The following HYDIN variants were observed in gnomAD, a reference collection of about 807,000 sequenced individuals.
HYDIN encodes the protein axonemal central pair apparatus protein HYDIN.
HYDIN carries 132 observed loss-of-function variants against 403.9 expected under a neutral mutation model. The ratio of observed to expected loss-of-function variants is 0.33; its 90% CI spans 0.28 to 0.38. The LOEUF is 0.38. Ranked by LOEUF, HYDIN falls within the 10% of genes least tolerant of loss-of-function variation. HYDIN has a pLI of 1.00. For synonymous variants in HYDIN, 1,202 were observed against 1,891.7 expected (o/e 0.64, Z 9.46); for missense variants, 2,827 against 5,009.5 (o/e 0.56, Z 13.15).
At chr16:70,938,506 C>T (rs2077566848) in intron 44 of HYDIN, 108 bp downstream of exon 44, 1 of 713,632 alleles carries the variant, frequency 1.4e-6, no homozygotes, top group East Asian at 2.6e-5. Flanking sequence ...TTCTGCAGCT[C>T]CTGCTGCCTG....
chr16:71,204,154 TGA>T (rs1317571459), intron 1 of HYDIN: 1 of 168,898 alleles, frequency 5.9e-6, no homozygotes, highest in Non-Finnish European at 1.3e-5. Flanking sequence ...GCTAACAATG[TGA>T]GTTATTTTTG....
Position 71,031,674 on chromosome 16 carries a change from C to T in HYDIN, c.2768+5G>A, listed in dbSNP as rs528385947. 1 of 1,597,388 alleles carries T rather than the reference C, an allele frequency of 6.3e-7. No individual in the cohort carries two copies. Among genetic ancestry groups the T allele is most frequent in the East Asian group, 2.2e-5 (1 of 44,796 alleles). ...TATAAAAACTGGTCCATGAGATTTC[C>T]TTACCTAAAATGTGCCCCCAAATTG... On this transcript the variant is annotated splice_donor_5th_base_variant and intron_variant, in intron 19 of 85. Coordinates refer to ENST00000393567, the MANE Select transcript of HYDIN (RefSeq NM_001270974.2).
chr16:71,050,758 C>T (rs1425414994), intron 18 of HYDIN, among the ~76,000 whole-genome samples: 1 of 151,854 alleles, frequency 6.6e-6, no homozygotes, highest in Non-Finnish European at 1.5e-5. Flanking sequence ...TTTACCAATA[C>T]ATTTGCAAAC....
At chr16:70,906,428 AT>A (rs2076539169) in intron 50 of HYDIN, among the ~76,000 whole-genome samples, 1 of 151,642 alleles carries the variant, frequency 6.6e-6, no homozygotes, top group South Asian at 2.1e-4. Flanking sequence ...ACCTTCTGCA[AT>A]GCCATCTCGC....
chr16:71,186,196 G>C (rs930031787), intron 2 of HYDIN, among the ~76,000 whole-genome samples: 12 of 151,900 alleles, frequency 7.9e-5, no homozygotes, highest in African/African-American at 2.9e-4. Flanking sequence ...TACTATCCCT[G>C]GCACTATACA....
chr16:71,154,363 T>C, intron 6 of HYDIN, among the ~76,000 whole-genome samples: 2 of 137,278 alleles, frequency 1.5e-5, no homozygotes, highest in East Asian at 2.1e-4. Context: ...AATCCCATCA[T>C]GGAGAATGCA....
chr16:71,058,516 T>C (rs1269570096), intron 18 of HYDIN, among the ~76,000 whole-genome samples: 42 of 126,658 alleles, frequency 3.3e-4, no homozygotes, highest in Non-Finnish European at 5.3e-4. Context: ...GTGGGTGCAG[T>C]GCACCAGCAT....
At chr16:70,835,980 T>C (rs1597081732) in intron 77 of HYDIN, 146 bp from the exon 78 acceptor site, 1 of 698,372 alleles carries the variant, frequency 1.4e-6, no homozygotes, top group East Asian at 2.7e-5. Flanking sequence ...GCCTACTCAA[T>C]AAGCATTTAA....
intron 18 of HYDIN, among the ~76,000 whole-genome samples, chr16:71,054,506 T>C (rs1175742655): frequency 2.0e-5 from 3 of 152,100 alleles, no homozygotes; most frequent in African/African-American, 7.2e-5. Flanking sequence ...ATACAGTCAA[T>C]TCCCCAAGGA....
At chr16:70,985,519 C>G (rs1052180444) in intron 27 of HYDIN, among the ~76,000 whole-genome samples, 197 bp from the exon 28 acceptor site, 2 of 152,104 alleles carry the variant, frequency 1.3e-5, no homozygotes, top group African/African-American at 4.8e-5. Context: ...TTCTAAGAAC[C>G]GATTCAGTTT....
intron 10 of HYDIN, among the ~76,000 whole-genome samples, chr16:71,105,374 G>A (rs1172210560): frequency 6.6e-6 from 1 of 150,522 alleles, no homozygotes; most frequent in African/African-American, 2.4e-5. Flanking sequence ...CAACATTGGA[G>A]AGATGCTGAG....
chr16:70,866,459 A>G (rs571550388), intron 66 of HYDIN, 130 bp from the exon 67 acceptor site: 1 of 736,106 alleles, frequency 1.4e-6, no homozygotes, highest in East Asian at 2.7e-5. Flanking sequence ...GTGACAATAA[A>G]GTCCTGGTGG....
intron 1 of HYDIN, among the ~76,000 whole-genome samples, chr16:71,216,527 G>A (rs376885660): frequency 2.0e-5 from 3 of 152,196 alleles, no homozygotes; most frequent in East Asian, 1.9e-4. Flanking sequence ...CTATGATGGA[G>A]AAGGATTCCA....
chr16:70,835,582 G>A (rs971530870), intron 78 of HYDIN, 94 bp downstream of exon 78: 47 of 628,716 alleles, frequency 7.5e-5, no homozygotes, highest in Non-Finnish European at 1.3e-4. Flanking sequence ...CATTACAGAT[G>A]CACAAGAAAT....
chr16:71,176,684 C>G (rs1027267623), intron 4 of HYDIN, among the ~76,000 whole-genome samples: 8 of 152,206 alleles, frequency 5.3e-5, no homozygotes, highest in Admixed American at 1.3e-4. Flanking sequence ...AGTCTCAGAG[C>G]AGCTCCCAAC....
intron 12 of HYDIN, among the ~76,000 whole-genome samples, chr16:71,085,493 T>C (rs1408386014): frequency 6.6e-6 from 1 of 150,836 alleles, no homozygotes; most frequent in Non-Finnish European, 1.5e-5. Flanking sequence ...TGGTTTATAG[T>C]GTTCAACTCT....
At chr16:71,223,925 C>T (rs187483267) in intron 1 of HYDIN, among the ~76,000 whole-genome samples, 84 of 152,234 alleles carry the variant, frequency 5.5e-4, no homozygotes, top group Admixed American at 1.1e-3. Context: ...CCATTTCATC[C>T]AGCAATCCCA....
At chr16:70,900,202 G>A (rs1446056868) in intron 53 of HYDIN, among the ~76,000 whole-genome samples, 3 of 152,250 alleles carry the variant, frequency 2.0e-5, no homozygotes, top group East Asian at 1.9e-4. Context: ...AAGATACATC[G>A]GGAGGCACCA....
chr16:70,882,945 C>T lies in HYDIN; in HGVS notation c.9980-50G>A, dbSNP rs372771180. ...AGATGCTGCCTGATTGCTGGATTCC[C>T]ACTCTGTGATTCCTAATTTGGAACT... On this transcript the variant is annotated intron_variant, in intron 59 of 85. Coordinates refer to ENST00000393567, the MANE Select transcript of HYDIN (RefSeq NM_001270974.2). The T allele has an allele frequency of 2.8e-6, 4 of 1,416,390 alleles. No homozygotes were observed. In the African/African-American group the frequency reaches 4.2e-5, roughly 15 times the overall value. 87.7% of individuals were successfully genotyped at this position (1,416,390 alleles called of 1,614,324 possible).
Sources: allele counts gnomAD v4.1 joint callset (sites outside exome capture counted in the v4.1 genomes callset), GRCh38; gene constraint gnomAD v4.1.1; transcripts MANE v1.5; gene names NCBI Gene and HGNC (gene_info 2026-07-23, HGNC 2026-07-21).